The following TTC19 variants were observed in gnomAD, a reference collection of about 807,000 sequenced individuals.
TTC19 encodes tetratricopeptide repeat domain 19, also known as tetratricopeptide repeat protein 19, mitochondrial.
Under a neutral mutation model 49.5 loss-of-function variants are expected in TTC19, and 38 were observed. That is an observed-to-expected ratio of 0.77 (90% CI 0.59 to 1.01). The LOEUF (loss-of-function observed/expected upper bound fraction) is 1.01. TTC19 is among the 50% of genes least tolerant of loss of function. The probability of loss-of-function intolerance (pLI) is 0.00; values close to 1 mark genes in which losing one functional copy is unlikely to be tolerated. For missense variants in TTC19, 475 were observed against 477.7 expected, an observed-to-expected ratio of 0.99 and a Z score of 0.05; for synonymous variants, 204 against 185.2, an observed-to-expected ratio of 1.10 and a Z score of -0.83.
chr17:16,000,003 G>A lies in TTC19; in HGVS notation c.155G>A (p.Arg52Gln), dbSNP rs886052626. 8.0e-7 allele frequency: 1 copy of A among 1,254,542 alleles called. No homozygotes were observed. 77.7% of individuals were successfully genotyped at this position (1,254,542 alleles called of 1,614,324 possible). ...CCATCCCGAGTCGCGCCGCACGGCC[G>A]GGGCCCAGGCCTGCTGCCGCTGCTG... is the stretch of plus-strand genomic sequence containing the variant. ...VPPSRVAPHG[R>Q]GPGLLPLLAA... Residue 52 changes from arginine to glutamine, a missense_variant, in exon 1 of 10, where the codon CGG (arginine) becomes CAG (glutamine). Arg to Gln is a conservative substitution (Grantham distance 43). Transcript: ENST00000261647.
At chr17:16,040,208 T>C (rs374639868) in intron 2 of TTC19, 1 of 629,466 alleles carries the variant, frequency 1.6e-6, no homozygotes, top group Non-Finnish European at 2.9e-6. Context: ...GTTTTGACAG[T>C]GTTCTTTAAT....
intron 2 of TTC19, chr17:16,034,974 A>G (rs1334471602): frequency 1.2e-6 from 2 of 1,604,046 alleles, no homozygotes; most frequent in East Asian, 2.2e-5. Context: ...TAAAGTATTA[A>G]TATATTAAGT....
chr17:16,021,105 T>A (rs1732114206), intron 7 of TTC19, among the ~76,000 whole-genome samples: 1 of 152,122 alleles, frequency 6.6e-6, no homozygotes, highest in Admixed American at 6.6e-5. Context: ...AAAAGAAAGT[T>A]GGCTGGGCGC....
intron 2 of TTC19, among the ~76,000 whole-genome samples, chr17:16,037,994 A>G (rs985029029): frequency 2.6e-5 from 4 of 152,198 alleles, no homozygotes; most frequent in African/African-American, 9.6e-5. Context: ...TATAACCTTA[A>G]AACACACACA....
In TTC19 at chr17:16,006,521, A is replaced by G. The variant is rs757782044; in HGVS notation, c.629A>G (p.Glu210Gly). The G allele has an allele frequency of 1.9e-6, 3 of 1,613,972 alleles. No individual in the cohort carries two copies. The highest frequency in any genetic ancestry group is 3.3e-5 in the Admixed American group (2 of 60,026). Reference sequence around the variant, plus strand: ...TATGAATTCTGCATTTCAACTCTAGAGGAAAAAATTGAAAGAGAAAAGGAA... The same window carrying G: ...TATGAATTCTGCATTTCAACTCTAGGGGAAAAAATTGAAAGAGAAAAGGAA... The part of the protein sequence containing the change: ...AGYEFCISTL[E>G]EKIEREKELA... Residue 210 changes from glutamate to glycine, a missense_variant, in exon 7 of 10, where the codon GAG becomes GGG. Transcript: ENST00000261647.
chr17:16,024,558 G>C (rs1405843449), intron 7 of TTC19: 1 of 176,212 alleles, frequency 5.7e-6, no homozygotes, highest in Non-Finnish European at 1.2e-5. Flanking sequence ...ACCCGCCTCG[G>C]CCTCCCAAAG....
intron 2 of TTC19, among the ~76,000 whole-genome samples, chr17:16,001,156 AAG>A (rs1312538107): frequency 8.5e-5 from 13 of 152,208 alleles, no homozygotes; most frequent in South Asian, 2.1e-4. Context: ...CAAAAAAAAA[AAG>A]AGTAAATTGG....
downstream of TTC19, among the ~76,000 whole-genome samples, chr17:16,034,024 C>T (rs554509278): frequency 1.3e-3 from 198 of 152,272 alleles, 1 homozygote; most frequent in African/African-American, 4.5e-3. Context: ...CTAGTCTTCT[C>T]ATTTCTAATT....
chr17:16,040,924 A>G (rs926763586), intron 2 of TTC19: 3 of 174,858 alleles, frequency 1.7e-5, no homozygotes, highest in Non-Finnish European at 2.4e-5. Flanking sequence ...GAAAAGGGAA[A>G]GGAACTTTGC....
chr17:16,027,607 T>C lies in TTC19; in HGVS notation c.*85T>C, dbSNP rs763606635. ...GTCTCTGTGGCACCCGATCAATGGC[T>C]TAAATCTGTCGTTTTTGATATTCAG... is the stretch of plus-strand genomic sequence containing the variant. On this transcript the variant is annotated 3_prime_UTR_variant, in exon 10 of 10. Transcript: ENST00000261647. 2 of 1,512,066 alleles carry C rather than the reference T, an allele frequency of 1.3e-6. No homozygotes were observed. Among genetic ancestry groups the C allele is most frequent in the Admixed American group, 1.7e-5 (1 of 59,026 alleles). 93.7% of individuals were successfully genotyped at this position (1,512,066 alleles called of 1,614,324 possible). A position where few individuals can be genotyped will look rare whatever the true frequency, so the allele number is the denominator to read the frequency against.
intron 4 of TTC19, among the ~76,000 whole-genome samples, chr17:16,003,298 T>G (rs1249004936): frequency 1.3e-5 from 2 of 152,118 alleles, no homozygotes; most frequent in African/African-American, 4.8e-5. Flanking sequence ...TTGCCCAGGT[T>G]GGAGTGCGGT....
chr17:16,035,993 A>G (rs1323553965), intron 2 of TTC19, among the ~76,000 whole-genome samples: 1 of 152,210 alleles, frequency 6.6e-6, no homozygotes, highest in Non-Finnish European at 1.5e-5. Context: ...AATGTCGTTA[A>G]TAGCATCTAA....
chr17:16,033,336 C>CAA (rs59285422), downstream of TTC19, among the ~76,000 whole-genome samples: 44 of 57,426 alleles, frequency 7.7e-4, no homozygotes, highest in African/African-American at 1.4e-3. Context: ...ACTCCGTCTC[C>CAA]AAAAAAAAAA....
intron 2 of TTC19, among the ~76,000 whole-genome samples, chr17:16,043,996 C>G (rs2058201161): frequency 6.6e-6 from 1 of 151,702 alleles, no homozygotes; most frequent in African/African-American, 2.4e-5. Context: ...ATGGATAAAC[C>G]CCGTCTGTAC....
chr17:16,000,202 A>G lies in TTC19; in HGVS notation c.269A>G (p.Asp90Gly), dbSNP rs1567575308. Residue 90 changes from aspartate (D) to glycine (G), a missense_variant, in exon 2 of 10, where the codon GAC (aspartate) becomes GGC (glycine). Transcript: ENST00000261647. ...ADGAAAEDGA[D>G]EAEAEIIQLL... ...GGGGCCGCTGCCGAGGACGGGGCGG[A>G]CGAGGCCGAGGCAGAGATCATCCAG... The G allele has an allele frequency of 6.3e-7, 1 of 1,594,460 alleles. No individual in the cohort carries two copies. Among genetic ancestry groups the G allele is most frequent in the Admixed American group, 1.7e-5 (1 of 59,866 alleles).
intron 2 of TTC19, among the ~76,000 whole-genome samples, chr17:16,034,563 A>G (rs1328063871): frequency 6.6e-6 from 1 of 152,122 alleles, no homozygotes; most frequent in Non-Finnish European, 1.5e-5. Context: ...AGCCATGATC[A>G]TGCCATTGCA....
intron 7 of TTC19, among the ~76,000 whole-genome samples, chr17:16,011,087 C>T (rs767754279): frequency 6.6e-6 from 1 of 152,238 alleles, no homozygotes; most frequent in Non-Finnish European, 1.5e-5. Flanking sequence ...TTGCTTTCTT[C>T]AATTCATAAG....
intron 7 of TTC19, among the ~76,000 whole-genome samples, chr17:16,015,384 TA>T (rs899561655): frequency 2.1e-5 from 3 of 142,294 alleles, no homozygotes; most frequent in Non-Finnish European, 4.4e-5. Flanking sequence ...ACAAATTTTA[TA>T]ACTATTAATT....
chr17:16,043,341 C>G (rs1286825487), intron 2 of TTC19, among the ~76,000 whole-genome samples: 1 of 152,082 alleles, frequency 6.6e-6, no homozygotes, highest in Admixed American at 6.5e-5. Context: ...CCATGGTGGG[C>G]CCAGGAGCCC....
Sources: gnomAD v4.1 joint callset for allele counts (sites outside exome capture counted in the v4.1 genomes callset) on GRCh38, gnomAD v4.1.1 for gene constraint, MANE v1.5 for transcripts, NCBI Gene and HGNC (gene_info 2026-07-23, HGNC 2026-07-21) for gene names.